Variants in UGT1A10 observed in about 807,000 individuals in gnomAD.
UGT1A10 encodes the protein UDP glucuronosyltransferase family 1 member A10, also known as UDP-glucuronosyltransferase 1A10.
UGT1A10 carries 49 observed loss-of-function variants against 45.8 expected under a neutral mutation model. That is an observed-to-expected ratio of 1.07 (90% CI 0.85 to 1.36). UGT1A10 has a LOEUF of 1.36. Among genes scored for constraint, UGT1A10 ranks in the 40% most tolerant of loss-of-function variants. UGT1A10 has a pLI of 0.00. For missense variants in UGT1A10, 745 were observed against 668.6 expected, an observed-to-expected ratio of 1.11 and a Z score of -1.26; for synonymous variants, 284 against 249.7, an observed-to-expected ratio of 1.14 and a Z score of -1.29.
At chr2:233,653,919 T>G (rs1254022840) in intron 1 of UGT1A10, among the ~76,000 whole-genome samples, 1 of 152,234 alleles carries the variant, frequency 6.6e-6, no homozygotes, top group East Asian at 1.9e-4. Context: ...CTTTCACAGA[T>G]GCAGATGTAC....
At position 233,657,450 on chromosome 2, in the gene UGT1A10, C is replaced by T. The variant is rs892470905; in HGVS notation, c.855+20073C>T. ...TGCTGATCACAAGGTGAGAAAGAAG[C>T]AAGAGAAAAAGGAGGGGTTGCCAGG... On this transcript the variant is annotated intron_variant, in intron 1 of 4. Transcript: ENST00000344644. Among the ~76,000 whole-genome samples, 4 of 152,134 alleles carry T rather than the reference C, an allele frequency of 2.6e-5. No homozygotes were observed. In the South Asian group the frequency reaches 8.3e-4, roughly 32 times the overall value.
chr2:233,656,839 A>C (rs1334214070), intron 1 of UGT1A10, among the ~76,000 whole-genome samples: 3 of 151,824 alleles, frequency 2.0e-5, no homozygotes, highest in Non-Finnish European at 4.4e-5. Flanking sequence ...TTTTCTTTTC[A>C]GTTTACACGT....
intron 1 of UGT1A10, among the ~76,000 whole-genome samples, chr2:233,764,509 G>A (rs1698579622): frequency 6.6e-6 from 1 of 152,192 alleles, no homozygotes; most frequent in Non-Finnish European, 1.5e-5. Flanking sequence ...GTTCAATTTT[G>A]TGTGAATCAC....
chr2:233,718,508 T>G (rs1330997916), intron 1 of UGT1A10, among the ~76,000 whole-genome samples: 1 of 152,136 alleles, frequency 6.6e-6, no homozygotes, highest in Non-Finnish European at 1.5e-5. Context: ...GGCAGTGACA[T>G]GAAATGGGTG....
At chr2:233,646,194 C>T (rs1477671083) in intron 1 of UGT1A10, among the ~76,000 whole-genome samples, 8 of 152,188 alleles carry the variant, frequency 5.3e-5, no homozygotes, top group Admixed American at 2.6e-4. Context: ...ATGCAAGACA[C>T]CAAGTCCCTA....
In UGT1A10 at chr2:233,743,718, G is replaced by A. The variant is rs751411472; in HGVS notation, c.856-23316G>A. The stretch of plus-strand genomic sequence containing the variant: ...CCCTCCGCCCCCGCCTCGCCATAGC[G>A]GTCATAGATATCGCGTTTCTTGGCG... On this transcript the variant is annotated intron_variant, in intron 1 of 4. Transcript: ENST00000344644. The A allele has an allele frequency of 1.2e-5, 16 of 1,367,210 alleles. No homozygotes were observed. In the East Asian group the frequency reaches 1.8e-4, roughly 16 times the overall value. 84.7% of individuals were successfully genotyped at this position (1,367,210 alleles called of 1,614,324 possible). A position where few individuals can be genotyped will look rare whatever the true frequency, so the allele number is the denominator to read the frequency against.
At chr2:233,688,960 T>G (rs1400974690) in intron 1 of UGT1A10, among the ~76,000 whole-genome samples, 3 of 152,174 alleles carry the variant, frequency 2.0e-5, no homozygotes, top group Admixed American at 2.0e-4. Flanking sequence ...ATGTTTGGAA[T>G]CATAGCATGT....
Position 233,768,287 on chromosome 2 carries a change from T to C in UGT1A10, c.1143T>C (p.Asn381=), listed in dbSNP as rs1256701591. ...ATGGTGTTTATGAAAGCATATGCAA[T>C]GGCGTTCCCATGGTGATGATGCCCT... ...GSHGVYESIC[N]GVPMVMMPLF... Residue 381 remains asparagine (N), a synonymous_variant, in exon 4 of 5, where the codon AAT becomes AAC. Coordinates refer to ENST00000344644, the MANE Select transcript of UGT1A10 (RefSeq NM_019075.4). 1 of 1,614,056 alleles carries C rather than the reference T, an allele frequency of 6.2e-7. No homozygotes were observed. Among genetic ancestry groups the C allele is most frequent in the Non-Finnish European group, 8.5e-7 (1 of 1,180,042 alleles).
intron 1 of UGT1A10, among the ~76,000 whole-genome samples, chr2:233,727,395 G>C (rs1447240084): frequency 2.6e-5 from 4 of 152,142 alleles, no homozygotes; most frequent in Non-Finnish European, 4.4e-5. Context: ...CGTCTTCCAA[G>C]ATACATGGGC....
chr2:233,682,232 A>G (rs1575428542), intron 1 of UGT1A10: 6 of 1,614,176 alleles, frequency 3.7e-6, no homozygotes, highest in East Asian at 2.2e-5. Context: ...TGCTCGCTGG[A>G]CGGCACCATT....
At chr2:233,719,454 A>G in intron 1 of UGT1A10, 2 of 1,613,988 alleles carry the variant, frequency 1.2e-6, no homozygotes, top group Non-Finnish European at 1.7e-6. Context: ...GCAAAGGGTC[A>G]AGAACATGCT....
chr2:233,682,652 G>A, intron 1 of UGT1A10: 1 of 1,613,872 alleles, frequency 6.2e-7, no homozygotes. Context: ...CCAAACCCCT[G>A]TCACGGCATA....
chr2:233,657,165 C>A (rs1340777939), intron 1 of UGT1A10, among the ~76,000 whole-genome samples: 1 of 152,218 alleles, frequency 6.6e-6, no homozygotes, highest in Non-Finnish European at 1.5e-5. Flanking sequence ...CTGGCCCCCA[C>A]TAGCTATCAA....
intron 1 of UGT1A10, chr2:233,760,610 G>C: frequency 1.2e-6 from 2 of 1,614,182 alleles, no homozygotes; most frequent in Non-Finnish European, 1.7e-6. Context: ...TTCCTGCAGC[G>C]TGTGATCAAA....
intron 1 of UGT1A10, among the ~76,000 whole-genome samples, chr2:233,679,610 T>C (rs2074457412): frequency 6.6e-6 from 1 of 152,222 alleles, no homozygotes; most frequent in South Asian, 2.1e-4. Flanking sequence ...ATTAAAACCC[T>C]GTTCAGGCAG....
intron 1 of UGT1A10, among the ~76,000 whole-genome samples, chr2:233,709,212 T>C (rs1269749554): frequency 6.6e-6 from 1 of 152,132 alleles, no homozygotes; most frequent in Admixed American, 6.5e-5. Context: ...AGAAGTACAT[T>C]TGAGAGTTTG....
At chr2:233,757,220 A>C (rs1182388011) in intron 1 of UGT1A10, among the ~76,000 whole-genome samples, 1 of 147,936 alleles carries the variant, frequency 6.8e-6, no homozygotes, top group Non-Finnish European at 1.5e-5. Flanking sequence ...GCTGCTGACC[A>C]AGGTTCCAGA....
chr2:233,693,367 G>T, intron 1 of UGT1A10: 3 of 1,614,154 alleles, frequency 1.9e-6, no homozygotes, highest in Non-Finnish European at 2.5e-6. Context: ...TTATTGGCCT[G>T]TACTTCATCA....
At chr2:233,767,764 C>A (rs1699474752) in intron 2 of UGT1A10, 85 bp from the exon 3 acceptor site, 1 of 1,608,290 alleles carries the variant, frequency 6.2e-7, no homozygotes, top group East Asian at 2.2e-5. Flanking sequence ...TTCAGAGGAC[C>A]CCTGTTTTCT....
Sources: gnomAD v4.1 joint callset for allele counts (sites outside exome capture counted in the v4.1 genomes callset) on GRCh38, gnomAD v4.1.1 for gene constraint, MANE v1.5 for transcripts, NCBI Gene and HGNC (gene_info 2026-07-23, HGNC 2026-07-21) for gene names.